The following UTRN variants were observed in gnomAD, a reference collection of about 807,000 sequenced individuals.
The protein encoded by UTRN is dystrophin-related protein 1.
In UTRN, 283 loss-of-function variants were observed where a neutral mutation model predicts 463.9. The ratio of observed to expected loss-of-function variants is 0.61; its 90% CI spans 0.55 to 0.67. The LOEUF (loss-of-function observed/expected upper bound fraction) is 0.67, where lower values mean the gene tolerates loss of function less well. Ranked by LOEUF, UTRN falls within the 30% of genes least tolerant of loss-of-function variation. UTRN has a pLI of 0.00. For missense variants in UTRN, 3,922 were observed against 4,084.3 expected (o/e 0.96, Z 1.08); for synonymous variants, 1,442 against 1,431.5 (o/e 1.01, Z -0.17).
intron 46 of UTRN, 61 bp downstream of exon 46, chr6:144,542,931 A>G (rs1798099539): frequency 7.2e-7 from 1 of 1,387,512 alleles, no homozygotes; most frequent in African/African-American, 1.4e-5. Flanking sequence ...ATTTTGTGAT[A>G]TGAGCCTCAT....
intron 33 of UTRN, among the ~76,000 whole-genome samples, chr6:144,497,875 G>T (rs1793811854): frequency 6.6e-6 from 1 of 152,148 alleles, no homozygotes; most frequent in South Asian, 2.1e-4. Flanking sequence ...AAAGTAATCA[G>T]GGATGATAGA....
chr6:144,557,272 C>T lies in UTRN; in HGVS notation c.7250C>T (p.Thr2417Ile). ...GACACAAGGAATGTGAAAGAAACCACAGAGTACTTAAAAACATCATGGATC... is the reference window on the plus strand; with the variant it reads ...GACACAAGGAATGTGAAAGAAACCATAGAGTACTTAAAAACATCATGGATC... ...SDDTRNVKET[T>I]EYLKTSWINL... The change falls in exon 50 of 75, where the codon ACA becomes ATA. Residue 2417 changes from threonine to isoleucine, a missense_variant. By Grantham distance (89) the Thr-to-Ile change is moderately conservative. Coordinates refer to ENST00000367545, the MANE Select transcript of UTRN (RefSeq NM_007124.3). 6.2e-7 allele frequency: 1 copy of T among 1,613,788 alleles called. No homozygotes were observed. Among genetic ancestry groups the T allele is most frequent in the East Asian group, 2.2e-5 (1 of 44,808 alleles).
chr6:144,676,446 C>G (rs1195800054), intron 51 of UTRN, among the ~76,000 whole-genome samples: 3 of 151,904 alleles, frequency 2.0e-5, no homozygotes, highest in African/African-American at 7.3e-5. Flanking sequence ...CCCTCTTTCT[C>G]TGTTTTTGTG....
chr6:144,299,669 A>G (rs1276911094), intron 2 of UTRN, among the ~76,000 whole-genome samples: 1 of 150,094 alleles, frequency 6.7e-6, no homozygotes, highest in Non-Finnish European at 1.5e-5. Context: ...CACATCTTGA[A>G]CTCTTTTTCT....
intron 42 of UTRN, among the ~76,000 whole-genome samples, chr6:144,531,404 A>G (rs1797046442): frequency 6.6e-6 from 1 of 152,258 alleles, no homozygotes; most frequent in Non-Finnish European, 1.5e-5. Flanking sequence ...TTTCAAAGAA[A>G]TTTAAATAAA....
At chr6:144,394,473 C>A (rs560722164) in intron 2 of UTRN, among the ~76,000 whole-genome samples, 29 of 152,220 alleles carry the variant, frequency 1.9e-4, no homozygotes, top group African/African-American at 6.5e-4. Flanking sequence ...CCTCCCATAA[C>A]CCATGGGAAT....
At chr6:144,700,738 T>G (rs906145359) in intron 53 of UTRN, among the ~76,000 whole-genome samples, 11 of 148,300 alleles carry the variant, frequency 7.4e-5, no homozygotes, top group African/African-American at 2.8e-4. Context: ...CAACTAACTT[T>G]GTTTTTTTTT....
chr6:144,331,520 G>A (rs1371287399), intron 2 of UTRN, among the ~76,000 whole-genome samples: 1 of 152,150 alleles, frequency 6.6e-6, no homozygotes, highest in Non-Finnish European at 1.5e-5. Flanking sequence ...TGTAACCTTG[G>A]CGCTATTCCA....
At chr6:144,576,976 A>C in intron 50 of UTRN, 123 bp from the exon 51 acceptor site, 1 of 797,068 alleles carries the variant, frequency 1.3e-6, no homozygotes, top group Non-Finnish European at 2.0e-6. Context: ...CCAGTTACCT[A>C]TGGTGACTTG....
At chr6:144,658,593 T>C (rs1779563771) in intron 51 of UTRN, among the ~76,000 whole-genome samples, 1 of 152,224 alleles carries the variant, frequency 6.6e-6, no homozygotes. Context: ...AACTTACTTA[T>C]ATTAAAATTT....
chr6:144,361,212 ACTTT>A (rs1476543948), intron 2 of UTRN, among the ~76,000 whole-genome samples: 2 of 152,204 alleles, frequency 1.3e-5, no homozygotes, highest in Non-Finnish European at 2.9e-5. Flanking sequence ...CTTTCCACCC[ACTTT>A]CTTTACACCA....
At chr6:144,620,476 C>T (rs964190504) in intron 51 of UTRN, among the ~76,000 whole-genome samples, 1 of 151,980 alleles carries the variant, frequency 6.6e-6, no homozygotes, top group Non-Finnish European at 1.5e-5. Context: ...GAAAGAAGAA[C>T]CAGAACTCTT....
At chr6:144,587,573 A>G (rs1266260752) in intron 51 of UTRN, among the ~76,000 whole-genome samples, 1 of 152,160 alleles carries the variant, frequency 6.6e-6, no homozygotes, top group East Asian at 1.9e-4. Context: ...GAGGTAGTTA[A>G]GGTTGAGTAT....
chr6:144,618,118 A>C (rs1806336722), intron 51 of UTRN, among the ~76,000 whole-genome samples: 1 of 152,180 alleles, frequency 6.6e-6, no homozygotes, highest in Non-Finnish European at 1.5e-5. Context: ...TTTGCAAACT[A>C]AATTAAAAGG....
chr6:144,394,818 T>A (rs1782255039), intron 2 of UTRN, among the ~76,000 whole-genome samples: 1 of 152,082 alleles, frequency 6.6e-6, no homozygotes, highest in South Asian at 2.1e-4. Context: ...ATGAGGAAAA[T>A]AATGAAATAA....
At chr6:144,471,677 A>G (rs530757833) in intron 23 of UTRN, among the ~76,000 whole-genome samples, 4 of 152,350 alleles carry the variant, frequency 2.6e-5, no homozygotes, top group African/African-American at 9.6e-5. Context: ...CCTGTAACCA[A>G]CTGAAAATAT....
intron 2 of UTRN, among the ~76,000 whole-genome samples, chr6:144,374,347 T>C (rs1283666635): frequency 6.6e-6 from 1 of 152,026 alleles, no homozygotes; most frequent in Non-Finnish European, 1.5e-5. Flanking sequence ...GATGTTAAAA[T>C]GTAACTAAAA....
intron 50 of UTRN, among the ~76,000 whole-genome samples, chr6:144,576,032 C>T (rs1351438556): frequency 6.6e-6 from 1 of 152,130 alleles, no homozygotes; most frequent in African/African-American, 2.4e-5. Context: ...TTGTGTTTAA[C>T]TTCTTTCACT....
chr6:144,668,820 A>G (rs1423927658), intron 51 of UTRN, among the ~76,000 whole-genome samples: 1 of 152,240 alleles, frequency 6.6e-6, no homozygotes. Flanking sequence ...GGGAGGACAC[A>G]AATATTCAGA....
Sources: allele counts gnomAD v4.1 joint callset (sites outside exome capture counted in the v4.1 genomes callset), GRCh38; gene constraint gnomAD v4.1.1; transcripts MANE v1.5; gene names NCBI Gene and HGNC (gene_info 2026-07-23, HGNC 2026-07-21).